The following YBEY variants were observed in gnomAD, a reference collection of about 807,000 sequenced individuals.
YBEY encodes ybeY metalloendoribonuclease.
YBEY carries 15 observed loss-of-function variants against 13.5 expected under a neutral mutation model. The ratio of observed to expected loss-of-function variants is 1.11; its 90% CI spans 0.75 to 1.72. YBEY has a LOEUF of 1.72. YBEY is among the 40% of genes most tolerant of loss of function. The pLI is 0.00. For synonymous variants in YBEY, 101 were observed against 83.1 expected (o/e 1.21, Z -1.17); for missense variants, 244 against 208.4 (o/e 1.17, Z -1.05).
the YBEY span, among the ~76,000 whole-genome samples, chr21:46,310,943 A>C: frequency 6.6e-6 from 1 of 151,918 alleles, no homozygotes; most frequent in Non-Finnish European, 1.5e-5. Context: ...TTCTTGGCTC[A>C]CACTGCAACC....
chr21:46,287,947 G>C (rs1048852513), intron 2 of YBEY, among the ~76,000 whole-genome samples: 1 of 151,948 alleles, frequency 6.6e-6, no homozygotes, highest in Non-Finnish European at 1.5e-5. Flanking sequence ...CAGAGATGGA[G>C]GTTGCAGTGA....
intron 4 of YBEY, 51 bp from the exon 5 acceptor site, chr21:46,297,487 TG>T: frequency 7.7e-7 from 1 of 1,305,402 alleles, no homozygotes; most frequent in Non-Finnish European, 9.8e-7. Flanking sequence ...CCCCAGAGAG[TG>T]GGGCGCGGAC....
At chr21:46,304,020 G>T in the YBEY span, among the ~76,000 whole-genome samples, 2,465 of 45,648 alleles carry the variant, frequency 0.054, 163 homozygotes, top group Non-Finnish European at 0.074. Flanking sequence ...CAAAGTGCTG[G>T]TTTTTTTTTT....
chr21:46,290,298 C>A (rs13048011), intron 2 of YBEY, among the ~76,000 whole-genome samples: 1 of 151,508 alleles, frequency 6.6e-6, no homozygotes. Flanking sequence ...CTCCGCCTCC[C>A]AGGTTCAAGC....
chr21:46,303,118 C>T, the YBEY span, among the ~76,000 whole-genome samples: 6 of 151,954 alleles, frequency 3.9e-5, no homozygotes, highest in Non-Finnish European at 7.4e-5. Flanking sequence ...GAGCCAAGAT[C>T]GTGCCACTGT....
At chr21:46,300,901 TAAAGA>T (rs1228105340), downstream of YBEY, 13 of 956,438 alleles carry the variant, frequency 1.4e-5, no homozygotes, top group African/African-American at 1.8e-5. Context: ...TAACAAAAAG[TAAAGA>T]AAAGAAATAG....
chr21:46,290,804 C>T (rs13051460), intron 2 of YBEY, among the ~76,000 whole-genome samples: 5 of 150,858 alleles, frequency 3.3e-5, no homozygotes, highest in African/African-American at 1.2e-4. Context: ...CCAGCACTTT[C>T]GGAGGCCAAG....
At chr21:46,301,344 G>C (rs1601618801), downstream of YBEY, 1 of 385,088 alleles carries the variant, frequency 2.6e-6, no homozygotes, top group East Asian at 1.6e-4. Flanking sequence ...ACGGGGTCTT[G>C]CTATGTGACC....
chr21:46,296,300 GC>G, intron 4 of YBEY, 70 bp downstream of exon 4: 1 of 1,544,574 alleles, frequency 6.5e-7, no homozygotes. Flanking sequence ...GCCCCTGCCA[GC>G]CCCCACCCTC....
At chr21:46,295,372 G>C (rs780035148) in intron 3 of YBEY, among the ~76,000 whole-genome samples, 10 of 151,846 alleles carry the variant, frequency 6.6e-5, no homozygotes, top group Non-Finnish European at 8.8e-5. Context: ...CCACCTCCCA[G>C]ACCTCCCTCT....
intron 4 of YBEY, among the ~76,000 whole-genome samples, chr21:46,296,618 T>C (rs184329801): frequency 5.3e-5 from 8 of 152,294 alleles, no homozygotes; most frequent in African/African-American, 1.7e-4. Flanking sequence ...TGGGCTCCGG[T>C]CCACATGGTT....
At chr21:46,293,327 C>CTT (rs1601592451) in intron 3 of YBEY, among the ~76,000 whole-genome samples, 19 of 57,494 alleles carry the variant, frequency 3.3e-4, no homozygotes, top group East Asian at 1.3e-3. Flanking sequence ...ATTCCTCCCG[C>CTT]GGTTAGCCTG....
chr21:46,297,291 C>T (rs1381469487), intron 4 of YBEY, among the ~76,000 whole-genome samples: 42 of 149,598 alleles, frequency 2.8e-4, no homozygotes, highest in Admixed American at 9.3e-4. Context: ...CCATGCCCCC[C>T]TTTCTTCCTC....
At chr21:46,303,734 TA>T in the YBEY span, among the ~76,000 whole-genome samples, 68 of 25,784 alleles carry the variant, frequency 2.6e-3, no homozygotes, top group Non-Finnish European at 4.1e-3. Context: ...TATATATATA[TA>T]TATATATATA....
At chr21:46,313,169 G>A in the YBEY span, 1 of 491,494 alleles carries the variant, frequency 2.0e-6, no homozygotes, top group Non-Finnish European at 2.6e-6. Context: ...AGCAGCTACG[G>A]ACAATGTGGA....
intron 3 of YBEY, 36 bp from the exon 4 acceptor site, chr21:46,296,126 G>A (rs1340668049): frequency 1.9e-6 from 3 of 1,612,986 alleles, no homozygotes; most frequent in Non-Finnish European, 2.5e-6. Context: ...TTCCTGTGGG[G>A]TCATCCTCTG....
At chr21:46,303,735 ATATATATATATTTTTTTTTTTT>A in the YBEY span, among the ~76,000 whole-genome samples, 4 of 28,128 alleles carry the variant, frequency 1.4e-4, no homozygotes, top group East Asian at 5.5e-4. Flanking sequence ...ATATATATAT[ATATATATATATTTTTTTTTTTT>A]TTTTTTTTTT....
At chr21:46,301,952 A>G (rs1216952997), downstream of YBEY, 2 of 1,462,568 alleles carry the variant, frequency 1.4e-6, no homozygotes, top group Non-Finnish European at 9.0e-7. Flanking sequence ...GCCCTGAGGA[A>G]GCCTGGGGGT....
the YBEY span, among the ~76,000 whole-genome samples, chr21:46,307,040 C>T: frequency 6.6e-6 from 1 of 152,092 alleles, no homozygotes; most frequent in African/African-American, 2.4e-5. Flanking sequence ...GGATTACAGG[C>T]GCCCACCACC....
Sources: gnomAD v4.1 joint callset for allele counts (sites outside exome capture counted in the v4.1 genomes callset) on GRCh38, gnomAD v4.1.1 for gene constraint, MANE v1.5 for transcripts, NCBI Gene and HGNC (gene_info 2026-07-23, HGNC 2026-07-21) for gene names.